Variants in GPC6 observed in about 807,000 individuals in gnomAD.
GPC6 encodes glypican 6, also known as glypican-6.
GPC6 carries 14 observed loss-of-function variants against 55.2 expected under a neutral mutation model. The ratio of observed to expected loss-of-function variants is 0.25; its 90% CI spans 0.17 to 0.40. The LOEUF (loss-of-function observed/expected upper bound fraction) is 0.40, where lower values mean the gene tolerates loss of function less well. GPC6 is among the 10% of genes least tolerant of loss of function. The pLI is 1.00. For synonymous variants in GPC6, 278 were observed against 259.6 expected, an observed-to-expected ratio of 1.07 and a Z score of -0.68; for missense variants, 641 against 708.5, an observed-to-expected ratio of 0.90 and a Z score of 1.08.
intron 4 of GPC6, among the ~76,000 whole-genome samples, chr13:94,202,806 G>A (rs1889794287): frequency 6.6e-6 from 1 of 152,144 alleles, no homozygotes; most frequent in South Asian, 2.1e-4. Flanking sequence ...CGAAGGTGAA[G>A]TCAGCAGAGC....
chr13:93,404,827 TAAC>T (rs57030278), intron 1 of GPC6, among the ~76,000 whole-genome samples: 31,075 of 151,946 alleles, frequency 0.2, 3,237 homozygotes, highest in Non-Finnish European at 0.23. Flanking sequence ...TTAATTAGAT[TAAC>T]AACAATAACA....
intron 6 of GPC6, among the ~76,000 whole-genome samples, chr13:94,314,624 C>A (rs1016221504): frequency 1.3e-5 from 2 of 152,152 alleles, no homozygotes; most frequent in African/African-American, 4.8e-5. Context: ...TGACATAGAT[C>A]TTTTATTAAA....
Position 93,845,986 on chromosome 13 carries a change from AAAAT to A in GPC6, c.711+15462_711+15465del, listed in dbSNP as rs568390692. 6.9e-3 allele frequency among the ~76,000 whole-genome samples: 1,046 copies of A among 152,086 alleles called. 15 individuals are homozygous for A. Among genetic ancestry groups the A allele is most frequent in the African/African-American group, 0.023 (957 of 41,514 alleles). On this transcript the variant is annotated intron_variant, in intron 3 of 8. Coordinates refer to ENST00000377047, the MANE Select transcript of GPC6 (RefSeq NM_005708.5). ...TACCCTAAAACTTAAAGTATAATAA[AAAAT>A]AAATAAATAAATAAATAAATGAAAG...
intron 3 of GPC6, among the ~76,000 whole-genome samples, chr13:93,948,331 T>C (rs1166280967): frequency 1.3e-5 from 2 of 152,212 alleles, no homozygotes; most frequent in Non-Finnish European, 2.9e-5. Flanking sequence ...TCAGGCTAGA[T>C]TGATTTGATT....
At chr13:94,210,089 C>T (rs1257319138) in intron 4 of GPC6, among the ~76,000 whole-genome samples, 2 of 151,964 alleles carry the variant, frequency 1.3e-5, no homozygotes, top group Non-Finnish European at 2.9e-5. Flanking sequence ...ATCAAGCAAT[C>T]CTCCCTCCTT....
At chr13:93,659,254 A>T (rs1880819535) in intron 2 of GPC6, among the ~76,000 whole-genome samples, 1 of 151,832 alleles carries the variant, frequency 6.6e-6, no homozygotes, top group South Asian at 2.1e-4. Context: ...CCCTAAGGGT[A>T]TGTTATTTCT....
At chr13:93,791,447 A>G (rs1309248763) in intron 2 of GPC6, among the ~76,000 whole-genome samples, 1 of 152,248 alleles carries the variant, frequency 6.6e-6, no homozygotes, top group Non-Finnish European at 1.5e-5. Flanking sequence ...TAATGTTTAA[A>G]GTGAAAGGCA....
Position 94,066,876 on chromosome 13 carries a change from C to T in GPC6, c.877+38982C>T, listed in dbSNP as rs189918220. ...TTAATTCTCTTTCAGAGAAAGCTCC[C>T]TGAGAGAGATGCTTGATACTTTTAA... On this transcript the variant is annotated intron_variant, in intron 4 of 8. Transcript: ENST00000377047. Among the ~76,000 whole-genome samples, 386 of 152,282 alleles carry T rather than the reference C, an allele frequency of 2.5e-3. 1 individual carries two copies. Among genetic ancestry groups the T allele is most frequent in the African/African-American group, 9.0e-3 (372 of 41,554 alleles).
At chr13:94,109,743 T>G (rs1168292374) in intron 4 of GPC6, among the ~76,000 whole-genome samples, 1 of 152,148 alleles carries the variant, frequency 6.6e-6, no homozygotes, top group Non-Finnish European at 1.5e-5. Flanking sequence ...TAAAGCCAAG[T>G]CAGCTTGGAG....
At chr13:94,131,154 C>T (rs1886987181) in intron 4 of GPC6, among the ~76,000 whole-genome samples, 1 of 152,004 alleles carries the variant, frequency 6.6e-6, no homozygotes, top group Non-Finnish European at 1.5e-5. Context: ...AATATAAGTA[C>T]TTAAGAAGAA....
chr13:93,598,194 G>T (rs998671463), intron 2 of GPC6, among the ~76,000 whole-genome samples: 2 of 152,066 alleles, frequency 1.3e-5, no homozygotes, highest in African/African-American at 4.8e-5. Flanking sequence ...ATTTTTTACT[G>T]TGTAAGTGGT....
At chr13:94,203,356 T>C (rs1889812838) in intron 4 of GPC6, among the ~76,000 whole-genome samples, 1 of 151,914 alleles carries the variant, frequency 6.6e-6, no homozygotes, top group African/African-American at 2.4e-5. Flanking sequence ...CTTATATATA[T>C]AATTATTGTG....
chr13:93,301,864 G>A (rs1022603197), intron 1 of GPC6, among the ~76,000 whole-genome samples: 7 of 152,186 alleles, frequency 4.6e-5, no homozygotes, highest in African/African-American at 1.7e-4. Context: ...TATAAATGGT[G>A]GACCTCCTTG....
At chr13:93,325,668 A>G (rs1879627598) in intron 1 of GPC6, among the ~76,000 whole-genome samples, 1 of 152,194 alleles carries the variant, frequency 6.6e-6, no homozygotes, top group East Asian at 1.9e-4. Context: ...AGACTTCACC[A>G]CTTTGCAATG....
At chr13:93,395,243 C>G (rs1875801531) in intron 1 of GPC6, 1 of 437,232 alleles carries the variant, frequency 2.3e-6, no homozygotes, top group Admixed American at 2.7e-5. Flanking sequence ...ACCAGAACCA[C>G]TTGCACAACC....
intron 5 of GPC6, among the ~76,000 whole-genome samples, chr13:94,292,141 C>T (rs552902764): frequency 1.3e-5 from 2 of 152,102 alleles, no homozygotes; most frequent in East Asian, 1.9e-4. Context: ...CTCCCTATTT[C>T]GCAAAGACAG....
At chr13:93,936,372 G>C (rs1051073600) in intron 3 of GPC6, among the ~76,000 whole-genome samples, 1 of 151,960 alleles carries the variant, frequency 6.6e-6, no homozygotes, top group Non-Finnish European at 1.5e-5. Flanking sequence ...TTTTCTTGGG[G>C]GAAGGGGAAT....
At chr13:94,003,964 C>G (rs1353289536) in intron 3 of GPC6, among the ~76,000 whole-genome samples, 1 of 152,154 alleles carries the variant, frequency 6.6e-6, no homozygotes, top group Non-Finnish European at 1.5e-5. Flanking sequence ...TATTTTACTG[C>G]TAATAGTACA....
At chr13:94,260,025 C>T (rs61962162) in intron 4 of GPC6, among the ~76,000 whole-genome samples, 1 of 152,064 alleles carries the variant, frequency 6.6e-6, no homozygotes, top group Admixed American at 6.6e-5. Context: ...CTACTTAAGT[C>T]CCTTTTTTTA....
Sources: gnomAD v4.1 joint callset for allele counts (sites outside exome capture counted in the v4.1 genomes callset) on GRCh38, gnomAD v4.1.1 for gene constraint, MANE v1.5 for transcripts, NCBI Gene and HGNC (gene_info 2026-07-23, HGNC 2026-07-21) for gene names.